LZTS1: variants seen among roughly 807,000 people sequenced by gnomAD.
LZTS1 encodes the protein leucine zipper tumor suppressor 1, also known as leucine zipper putative tumor suppressor 1.
Under a neutral mutation model 45.8 loss-of-function variants are expected in LZTS1, and 31 were observed. The observed-to-expected ratio is 0.68, with a 90% CI of 0.51 to 0.91. LZTS1 has a LOEUF of 0.91. Among genes scored for constraint, LZTS1 ranks in the 40% least tolerant of loss-of-function variants. LZTS1 has a pLI of 0.00. For missense variants in LZTS1, 821 were observed against 788.9 expected, an observed-to-expected ratio of 1.04 and a Z score of -0.49; for synonymous variants, 359 against 357.3, an observed-to-expected ratio of 1.00 and a Z score of -0.05.
In LZTS1 at chr8:20,285,739, T is replaced by G. The variant is rs939448486; in HGVS notation, c.-135+18001A>C. Among the ~76,000 whole-genome samples, 6 of 152,202 alleles carry G rather than the reference T, an allele frequency of 3.9e-5. No homozygotes were observed. The East Asian group carries it at 1.2e-3, about 29-fold the overall frequency. On this transcript the variant is annotated intron_variant, in intron 1 of 3. Transcript: ENST00000381569. ...AAGGAGCAAGAATAACCAAGACCATTTGGTGAAGAACTAAGCTGGAGGGTG... is the reference window on the plus strand; with the variant it reads ...AAGGAGCAAGAATAACCAAGACCATGTGGTGAAGAACTAAGCTGGAGGGTG...
At chr8:20,279,479 C>T (rs748806913) in intron 1 of LZTS1, among the ~76,000 whole-genome samples, 2 of 152,030 alleles carry the variant, frequency 1.3e-5, no homozygotes, top group African/African-American at 2.4e-5. Flanking sequence ...TTGAGAGAAT[C>T]GCCTGAGGCC....
chr8:20,288,835 C>T (rs1459669482), intron 1 of LZTS1, among the ~76,000 whole-genome samples: 1 of 151,948 alleles, frequency 6.6e-6, no homozygotes, highest in East Asian at 1.9e-4. Flanking sequence ...TTCATTTAAT[C>T]CTCTTCCCCC....
Position 20,254,970 on chromosome 8 carries a change from CTGACCT to C in LZTS1, c.206_211del (p.Lys69_Val70del), listed in dbSNP as rs779763498. The C allele has an allele frequency of 6.2e-7, 1 of 1,614,222 alleles. No individual in the cohort carries two copies. Among genetic ancestry groups the C allele is most frequent in the East Asian group, 2.2e-5 (1 of 44,882 alleles). ...GTGATGGGAGCCCCGGGCTTTCTGG[CTGACCT>C]TGATGTAGAAGAAGTCTTCGCTCTT... On this transcript the variant is annotated inframe_deletion, in exon 2 of 4. Transcript: ENST00000381569.
chr8:20,277,897 G>A (rs771276535), intron 1 of LZTS1, among the ~76,000 whole-genome samples: 3 of 152,204 alleles, frequency 2.0e-5, no homozygotes, highest in Non-Finnish European at 4.4e-5. Flanking sequence ...AAGGCTGGGA[G>A]CAGGATAATG....
rs760112777 is a variant in LZTS1, at chr8:20,255,167, A to G, written c.15T>C (p.Ser5=). Residue 5 remains serine (S), a synonymous_variant, in exon 2 of 4, where the codon AGT becomes AGC. Coordinates refer to ENST00000381569, the MANE Select transcript of LZTS1 (RefSeq NM_021020.5). MGSV[S]SLISGHSFHS... ...GGAAGCTGTGGCCGGAGATGAGGCT[A>G]CTGACGCTGCCCATGGTGACTCGGG... is the stretch of plus-strand genomic sequence containing the variant. 3.1e-6 allele frequency: 5 copies of G among 1,612,592 alleles called. No individual in the cohort carries two copies. In the South Asian group the frequency reaches 5.5e-5, roughly 18 times the overall value.
intron 1 of LZTS1, among the ~76,000 whole-genome samples, chr8:20,267,603 C>A (rs1405306414): frequency 6.6e-6 from 1 of 152,136 alleles, no homozygotes; most frequent in Non-Finnish European, 1.5e-5. Context: ...GCAACCTCTG[C>A]CTCCCGGGTT....
rs1057020434 is a variant in LZTS1 at position 20,248,163 on chromosome 8, A to C, written c.*1559T>G. 6.6e-6 allele frequency: 1 copy of C among 152,090 alleles called. No individual in the cohort carries two copies. Among genetic ancestry groups the C allele is most frequent in the African/African-American group, 2.4e-5 (1 of 41,376 alleles). The allele number at this position is 152,090 out of a possible 1,614,324, so 9.4% of individuals were successfully genotyped here. A position where few individuals can be genotyped will look rare whatever the true frequency, so the allele number is the denominator to read the frequency against. ...ACGAGACCCCGTCCCTACAAAAAAA[A>C]TGAAAAGTTAGCCAGGCACGGTGGC... On this transcript the variant is annotated 3_prime_UTR_variant, in exon 4 of 4. Transcript: ENST00000381569.
intron 1 of LZTS1, among the ~76,000 whole-genome samples, chr8:20,283,815 G>A (rs1374982252): frequency 6.6e-6 from 1 of 152,156 alleles, no homozygotes; most frequent in South Asian, 2.1e-4. Flanking sequence ...ACAGAGGAGA[G>A]AGTAACCAGC....
chr8:20,280,988 A>G (rs1800680897), intron 1 of LZTS1, among the ~76,000 whole-genome samples: 1 of 152,178 alleles, frequency 6.6e-6, no homozygotes, highest in Admixed American at 6.5e-5. Flanking sequence ...CTTTCAAATC[A>G]TTCCCCAGGG....
At chr8:20,264,484 C>T (rs571296429) in intron 1 of LZTS1, among the ~76,000 whole-genome samples, 10 of 152,212 alleles carry the variant, frequency 6.6e-5, no homozygotes, top group Admixed American at 4.6e-4. Flanking sequence ...AGGAAGGCAG[C>T]GGCAGTGAGA....
chr8:20,262,683 G>T (rs1800260823), intron 1 of LZTS1, among the ~76,000 whole-genome samples: 1 of 152,164 alleles, frequency 6.6e-6, no homozygotes, highest in South Asian at 2.1e-4. Context: ...TAATTTGGCA[G>T]GACCTGGAGA....
chr8:20,296,099 A>G (rs1390347762), intron 1 of LZTS1, among the ~76,000 whole-genome samples: 2 of 152,192 alleles, frequency 1.3e-5, no homozygotes, highest in African/African-American at 2.4e-5. Context: ...GTTGAGACCA[A>G]TTTAGCAGTC....
intron 1 of LZTS1, among the ~76,000 whole-genome samples, chr8:20,302,413 C>A (rs1295198539): frequency 6.6e-6 from 1 of 152,176 alleles, no homozygotes; most frequent in African/African-American, 2.4e-5. Flanking sequence ...TCTTCGGGCA[C>A]CTCCATTCTC....
chr8:20,261,215 C>T (rs1250514838), intron 1 of LZTS1, among the ~76,000 whole-genome samples: 1 of 152,094 alleles, frequency 6.6e-6, no homozygotes, highest in Non-Finnish European at 1.5e-5. Context: ...GTAAAGGAAC[C>T]ACAGAGCCTC....
chr8:20,250,752 C>T (rs1297132679), intron 3 of LZTS1, among the ~76,000 whole-genome samples: 7 of 151,994 alleles, frequency 4.6e-5, no homozygotes, highest in Non-Finnish European at 8.8e-5. Flanking sequence ...ACACCTGCCA[C>T]CATGCCTGGC....
intron 3 of LZTS1, among the ~76,000 whole-genome samples, chr8:20,251,629 G>A (rs1799912883): frequency 6.6e-6 from 1 of 152,130 alleles, no homozygotes; most frequent in African/African-American, 2.4e-5. Context: ...GCCAAATTTT[G>A]ATGGGGGATA....
intron 1 of LZTS1, among the ~76,000 whole-genome samples, chr8:20,302,754 A>C (rs578028048): frequency 2.0e-5 from 3 of 152,342 alleles, no homozygotes; most frequent in Admixed American, 1.3e-4. Flanking sequence ...GACAGGAAAC[A>C]CTTTAGGAGG....
chr8:20,250,185 T>G lies in LZTS1; in HGVS notation c.1328A>C (p.Lys443Thr). 6 of 1,611,640 alleles carry G rather than the reference T, an allele frequency of 3.7e-6. No homozygotes were observed. Among genetic ancestry groups the G allele is most frequent in the Non-Finnish European group, 5.1e-6 (6 of 1,179,820 alleles). ...CTCACAGACCTCCAGCTCCAGGCCCTTGGTGCGCAGGGCGCCCTCCAGGTC... is the reference window on the plus strand; with the variant it reads ...CTCACAGACCTCCAGCTCCAGGCCCGTGGTGCGCAGGGCGCCCTCCAGGTC... ...TQDLEGALRT[K>T]GLELEVCENE... The change falls in exon 4 of 4, where the codon AAG becomes ACG. Residue 443 changes from lysine (K) to threonine (T), a missense_variant. Transcript: ENST00000381569.
At chr8:20,281,631 C>T (rs1800695711) in intron 1 of LZTS1, among the ~76,000 whole-genome samples, 1 of 152,126 alleles carries the variant, frequency 6.6e-6, no homozygotes, top group African/African-American at 2.4e-5. Context: ...TTGCTGAATT[C>T]GTTTGCACAA....
Sources: gnomAD v4.1 joint callset for allele counts (sites outside exome capture counted in the v4.1 genomes callset) on GRCh38, gnomAD v4.1.1 for gene constraint, MANE v1.5 for transcripts, NCBI Gene and HGNC (gene_info 2026-07-23, HGNC 2026-07-21) for gene names.